Variants in NELL2 observed in about 807,000 individuals in gnomAD.
NELL2 encodes the protein protein kinase C-binding protein NELL2.
In NELL2, 41 loss-of-function variants were observed where a neutral mutation model predicts 109.6. The observed-to-expected ratio is 0.37, with a 90% CI of 0.29 to 0.49. The LOEUF (loss-of-function observed/expected upper bound fraction) is 0.49, where lower values mean the gene tolerates loss of function less well. Ranked by LOEUF, NELL2 falls within the 20% of genes least tolerant of loss-of-function variation. The pLI is 0.98. For missense variants in NELL2, 900 were observed against 1,008.3 expected, an observed-to-expected ratio of 0.89 and a Z score of 1.45; for synonymous variants, 355 against 344.7, an observed-to-expected ratio of 1.03 and a Z score of -0.33.
intron 15 of NELL2, among the ~76,000 whole-genome samples, chr12:44,539,576 C>G (rs1459399465): frequency 6.6e-6 from 1 of 151,858 alleles, no homozygotes; most frequent in Non-Finnish European, 1.5e-5. Flanking sequence ...TTTAAATAAA[C>G]TTTATTGAGG....
chr12:44,638,337 T>C (rs1465677497), intron 13 of NELL2, among the ~76,000 whole-genome samples: 1 of 152,144 alleles, frequency 6.6e-6, no homozygotes, highest in African/African-American at 2.4e-5. Flanking sequence ...ATATCATAGA[T>C]AGCACTGTGA....
At chr12:44,780,334 C>G (rs140002298) in intron 3 of NELL2, among the ~76,000 whole-genome samples, 44 of 152,012 alleles carry the variant, frequency 2.9e-4, no homozygotes, top group African/African-American at 1.0e-3. Context: ...TCAAGATGAG[C>G]CTGCTTTCTC....
chr12:44,834,962 G>A (rs1185390632), intron 2 of NELL2, among the ~76,000 whole-genome samples: 1 of 152,146 alleles, frequency 6.6e-6, no homozygotes, highest in African/African-American at 2.4e-5. Context: ...GATTGAGGGG[G>A]TGGGAAGAAG....
At chr12:44,707,660 A>T (rs1391896268) in intron 11 of NELL2, among the ~76,000 whole-genome samples, 2 of 152,200 alleles carry the variant, frequency 1.3e-5, no homozygotes, top group African/African-American at 4.8e-5. Context: ...AACATAAAAA[A>T]ATACTAATAC....
intron 9 of NELL2, among the ~76,000 whole-genome samples, chr12:44,764,163 A>T (rs1941235643): frequency 6.6e-6 from 1 of 152,222 alleles, no homozygotes; most frequent in Non-Finnish European, 1.5e-5. Flanking sequence ...GACTTCTAAG[A>T]ATTCCAGTTA....
At chr12:44,916,542 T>C (rs1000309754), upstream of NELL2, among the ~76,000 whole-genome samples, 1 of 152,114 alleles carries the variant, frequency 6.6e-6, no homozygotes, top group Admixed American at 6.5e-5. Flanking sequence ...TTTTTTAAGT[T>C]TCCTTTCTAA....
chr12:44,641,425 G>A (rs1946849009), intron 13 of NELL2, among the ~76,000 whole-genome samples: 1 of 152,140 alleles, frequency 6.6e-6, no homozygotes, highest in Non-Finnish European at 1.5e-5. Context: ...AGGGCATCCA[G>A]TAATGCCCAG....
At chr12:44,686,455 T>C (rs1468393193) in intron 12 of NELL2, among the ~76,000 whole-genome samples, 1 of 152,246 alleles carries the variant, frequency 6.6e-6, no homozygotes, top group Non-Finnish European at 1.5e-5. Context: ...CCGTTGCTGT[T>C]GAGGAACTGC....
chr12:44,799,529 C>A (rs1942758372), intron 3 of NELL2, among the ~76,000 whole-genome samples: 1 of 152,038 alleles, frequency 6.6e-6, no homozygotes, highest in South Asian at 2.1e-4. Context: ...CAACTGCACT[C>A]TTTCCTTCTT....
intron 9 of NELL2, among the ~76,000 whole-genome samples, chr12:44,773,077 G>A (rs895288480): frequency 6.6e-6 from 1 of 152,140 alleles, no homozygotes; most frequent in South Asian, 2.1e-4. Context: ...ACAATGGCCC[G>A]TTATTTCAAT....
intron 3 of NELL2, among the ~76,000 whole-genome samples, chr12:44,781,083 G>C (rs1941941553): frequency 6.6e-6 from 1 of 151,820 alleles, no homozygotes; most frequent in South Asian, 2.1e-4. Context: ...AAAATGATAA[G>C]GATGTTAGAA....
chr12:44,512,240 C>A (rs1941030922), intron 19 of NELL2, among the ~76,000 whole-genome samples: 2 of 152,138 alleles, frequency 1.3e-5, no homozygotes, highest in Non-Finnish European at 2.9e-5. Flanking sequence ...CTCAACATCA[C>A]TAATCATCAG....
At chr12:44,847,729 G>T (rs1944414242) in intron 2 of NELL2, among the ~76,000 whole-genome samples, 1 of 151,878 alleles carries the variant, frequency 6.6e-6, no homozygotes, top group Non-Finnish European at 1.5e-5. Context: ...TCCTCTCTTG[G>T]GGTTTTGGCC....
chr12:44,629,293 A>G (rs2136282905), intron 13 of NELL2, among the ~76,000 whole-genome samples: 1 of 152,326 alleles, frequency 6.6e-6, no homozygotes, highest in East Asian at 1.9e-4. Context: ...ATAATCTCAG[A>G]ATTTAAAAAA....
intron 16 of NELL2, among the ~76,000 whole-genome samples, chr12:44,528,227 T>G (rs371097129): frequency 5.3e-5 from 8 of 151,950 alleles, no homozygotes; most frequent in Non-Finnish European, 1.0e-4. Context: ...AGAGTTTTTT[T>G]TTGTTGTTTT....
intron 19 of NELL2, among the ~76,000 whole-genome samples, chr12:44,518,330 C>T (rs1941368722): frequency 6.6e-6 from 1 of 151,824 alleles, no homozygotes; most frequent in Non-Finnish European, 1.5e-5. Flanking sequence ...CTGCAAGCTC[C>T]ACCTCCCGGG....
chr12:44,643,465 T>A (rs1946934859), intron 13 of NELL2, among the ~76,000 whole-genome samples: 1 of 152,084 alleles, frequency 6.6e-6, no homozygotes, highest in African/African-American at 2.4e-5. Flanking sequence ...AAAAGTTATG[T>A]CTAAAATATT....
rs57205620 is a variant in NELL2 at position 44,540,781 on chromosome 12, C to CAAAAAAAAAAAAAAAAAAAAAAAAAAAA, written c.1664-8061_1664-8060insTTTTTTTTTTTTTTTTTTTTTTTTTTTT. Among the ~76,000 whole-genome samples, 10 of 49,746 alleles carry CAAAAAAAAAAAAAAAAAAAAAAAAAAAA rather than the reference C, an allele frequency of 2.0e-4. 3 individuals are homozygous for CAAAAAAAAAAAAAAAAAAAAAAAAAAAA. The highest frequency in any genetic ancestry group is 5.0e-4 in the African/African-American group (6 of 11,988). The allele number at this position is 49,746 out of a possible 152,430, so 32.6% of individuals were successfully genotyped here. ...AGCTTACTAATGTAAGTCTGCAAGC[C>CAAAAAAAAAAAAAAAAAAAAAAAAAAAA]AAAAAAAAAAAAAAAAAGCCCATCC... On this transcript the variant is annotated intron_variant, in intron 15 of 19. Coordinates refer to ENST00000429094, the MANE Select transcript of NELL2 (RefSeq NM_001145108.2).
chr12:44,920,338 A>G (rs1291788631), intron 1 of NELL2, among the ~76,000 whole-genome samples: 1 of 152,176 alleles, frequency 6.6e-6, no homozygotes, highest in Non-Finnish European at 1.5e-5. Context: ...ATAAATTGTT[A>G]TATTTGCATA....
Sources: allele counts gnomAD v4.1 joint callset (sites outside exome capture counted in the v4.1 genomes callset), GRCh38; gene constraint gnomAD v4.1.1; transcripts MANE v1.5; gene names NCBI Gene and HGNC (gene_info 2026-07-23, HGNC 2026-07-21).